Variants in SLC9B1 observed in about 807,000 individuals in gnomAD.
SLC9B1 encodes sodium/hydrogen exchanger 9B1.
In SLC9B1, 32 loss-of-function variants were observed where a neutral mutation model predicts 51.7. That is an observed-to-expected ratio of 0.62 (90% CI 0.47 to 0.83). SLC9B1 has a LOEUF of 0.83. Ranked by LOEUF, SLC9B1 falls within the 40% of genes least tolerant of loss-of-function variation. SLC9B1 has a pLI of 0.00. For missense variants in SLC9B1, 406 were observed against 613.2 expected, an observed-to-expected ratio of 0.66 and a Z score of 3.57; for synonymous variants, 145 against 212.7, an observed-to-expected ratio of 0.68 and a Z score of 2.77.
intron 3 of SLC9B1, among the ~76,000 whole-genome samples, chr4:102,978,515 A>C (rs1386146323): frequency 6.6e-6 from 1 of 152,234 alleles, no homozygotes; most frequent in Non-Finnish European, 1.5e-5. Flanking sequence ...GGATATGAAC[A>C]GACTTCTCAA....
rs1266793291 is a variant in SLC9B1, at chr4:102,901,337, A to G, written c.1333-5T>C. On this transcript the variant is annotated splice_region_variant and splice_polypyrimidine_tract_variant and intron_variant, in intron 11 of 11. Transcript: ENST00000296422. ...AGCCAGAGGACCTAACACAGCCTGC[A>G]TTTAGGGGTAAAAATGGGGCATAAA... 10 of 1,456,428 alleles carry G rather than the reference A, an allele frequency of 6.9e-6. No homozygotes were observed. In the South Asian group the frequency reaches 9.6e-5, roughly 14 times the overall value. The allele number at this position is 1,456,428 out of a possible 1,614,324, so 90.2% of individuals were successfully genotyped here. A position where few individuals can be genotyped will look rare whatever the true frequency, so the allele number is the denominator to read the frequency against.
At chr4:102,985,514 A>G (rs951124723) in intron 3 of SLC9B1, among the ~76,000 whole-genome samples, 2 of 149,580 alleles carry the variant, frequency 1.3e-5, no homozygotes, top group African/African-American at 5.0e-5. Context: ...ATGCGTTTAC[A>G]ACTAATACAA....
At chr4:102,895,053 T>C (rs1734470285) in intron 11 of SLC9B1, among the ~76,000 whole-genome samples, 1 of 152,136 alleles carries the variant, frequency 6.6e-6, no homozygotes, top group African/African-American at 2.4e-5. Flanking sequence ...AAAGTTCATG[T>C]AGAAGAATAG....
chr4:103,002,731 G>A (rs954446653), intron 1 of SLC9B1, among the ~76,000 whole-genome samples: 1 of 152,190 alleles, frequency 6.6e-6, no homozygotes, highest in Non-Finnish European at 1.5e-5. Context: ...CATTGCCTCT[G>A]AGCAGCCCTA....
At chr4:102,977,871 A>G (rs906151941) in intron 3 of SLC9B1, among the ~76,000 whole-genome samples, 1 of 152,098 alleles carries the variant, frequency 6.6e-6, no homozygotes, top group Admixed American at 6.6e-5. Flanking sequence ...GGTTAGTTAC[A>G]TATGTATACA....
At chr4:102,975,680 T>C (rs1353599406) in intron 3 of SLC9B1, among the ~76,000 whole-genome samples, 5 of 144,736 alleles carry the variant, frequency 3.5e-5, no homozygotes, top group Admixed American at 1.5e-4. Flanking sequence ...GCGATTCTCC[T>C]GCCTCAGCCT....
intron 7 of SLC9B1, among the ~76,000 whole-genome samples, chr4:102,916,650 A>G (rs1735591560): frequency 6.6e-6 from 1 of 152,240 alleles, no homozygotes; most frequent in Non-Finnish European, 1.5e-5. Context: ...TCAAGTACAT[A>G]CCAAGACTTT....
At chr4:102,974,242 G>GAAAAAAAAAAAAAAAAAAAAAAAAA (rs141412944) in intron 3 of SLC9B1, among the ~76,000 whole-genome samples, 2 of 53,458 alleles carry the variant, frequency 3.7e-5, no homozygotes, top group East Asian at 6.5e-4. Flanking sequence ...GTCTAAAATT[G>GAAAAAAAAAAAAAAAAAAAAAAAAA]AAAAAAAAAA....
At chr4:102,955,841 GAGAGAAAGAAAGAAAGAA>G (rs1042180276) in intron 3 of SLC9B1, among the ~76,000 whole-genome samples, 13 of 138,440 alleles carry the variant, frequency 9.4e-5, no homozygotes, top group African/African-American at 3.7e-4. Flanking sequence ...AAGAAAGAGA[GAGAGAAAGAAAGAAAGAA>G]AGAAAGAAAG....
intron 4 of SLC9B1, among the ~76,000 whole-genome samples, chr4:102,947,907 T>C (rs1246332660): frequency 6.7e-6 from 1 of 148,322 alleles, no homozygotes; most frequent in East Asian, 2.0e-4. Flanking sequence ...ACATACACTT[T>C]AGAAAGTTTT....
intron 1 of SLC9B1, among the ~76,000 whole-genome samples, chr4:103,008,016 T>G (rs1036717707): frequency 6.6e-6 from 1 of 152,216 alleles, no homozygotes. Flanking sequence ...ATAAGACTTC[T>G]TACTGGTTTA....
intron 1 of SLC9B1, among the ~76,000 whole-genome samples, chr4:103,015,896 C>T (rs755176802): frequency 2.0e-5 from 3 of 151,586 alleles, no homozygotes; most frequent in Admixed American, 6.6e-5. Context: ...TGTGGGAGGC[C>T]GAGGCAGGTG....
intron 7 of SLC9B1, 53 bp from the exon 8 acceptor site, chr4:102,911,590 C>G: frequency 8.7e-7 from 1 of 1,147,492 alleles, no homozygotes; most frequent in Admixed American, 2.0e-5. Flanking sequence ...TTCACATACA[C>G]TACACATCAG....
chr4:102,958,945 G>T (rs543387570), intron 3 of SLC9B1, among the ~76,000 whole-genome samples: 21 of 151,676 alleles, frequency 1.4e-4, no homozygotes, highest in Admixed American at 1.1e-3. Flanking sequence ...AATCAACAGA[G>T]AAATTGAAAT....
chr4:102,920,594 G>A (rs1309682846), intron 7 of SLC9B1, among the ~76,000 whole-genome samples: 2 of 152,170 alleles, frequency 1.3e-5, no homozygotes, highest in Middle Eastern at 3.4e-3. Context: ...TCAGAAGGTT[G>A]GTAATAACAA....
chr4:102,909,174 C>G (rs1192465351), intron 9 of SLC9B1, among the ~76,000 whole-genome samples: 2 of 152,072 alleles, frequency 1.3e-5, no homozygotes, highest in Non-Finnish European at 2.9e-5. Flanking sequence ...AAACACAGAT[C>G]ATTTCCAGCT....
intron 4 of SLC9B1, 117 bp from the exon 5 acceptor site, chr4:102,946,906 T>A: frequency 1.2e-6 from 1 of 825,384 alleles, no homozygotes; most frequent in Non-Finnish European, 1.8e-6. Flanking sequence ...AAGGGCAGGT[T>A]ACAAGCAAGT....
chr4:102,968,849 T>C (rs1738580389), intron 3 of SLC9B1, among the ~76,000 whole-genome samples: 1 of 152,116 alleles, frequency 6.6e-6, no homozygotes, highest in Non-Finnish European at 1.5e-5. Context: ...GCTTTTCCAA[T>C]GGTCTTAGCA....
At chr4:103,018,402 T>A (rs1393299772) in intron 1 of SLC9B1, among the ~76,000 whole-genome samples, 9 of 152,024 alleles carry the variant, frequency 5.9e-5, no homozygotes, top group African/African-American at 1.7e-4. Flanking sequence ...AAAAGTAAGT[T>A]AAAAAAAATT....
Sources: gnomAD v4.1 joint callset for allele counts (sites outside exome capture counted in the v4.1 genomes callset) on GRCh38, gnomAD v4.1.1 for gene constraint, MANE v1.5 for transcripts, NCBI Gene and HGNC (gene_info 2026-07-23, HGNC 2026-07-21) for gene names.